Variants in VPS13C observed in about 807,000 individuals in gnomAD.
The protein encoded by VPS13C is vacuolar protein sorting 13 homolog C, also known as intermembrane lipid transfer protein VPS13C.
In VPS13C, 358 loss-of-function variants were observed where a neutral mutation model predicts 456.8. The observed-to-expected ratio is 0.78, with a 90% CI of 0.72 to 0.86. The LOEUF (loss-of-function observed/expected upper bound fraction) is 0.86. VPS13C is among the 40% of genes least tolerant of loss of function. VPS13C has a pLI of 0.00. For synonymous variants in VPS13C, 1,578 were observed against 1,486.7 expected, an observed-to-expected ratio of 1.06 and a Z score of -1.41; for missense variants, 4,818 against 4,385.4, an observed-to-expected ratio of 1.10 and a Z score of -2.79.
Position 61,856,281 on chromosome 15 carries a change from C to T in VPS13C, c.11076+5G>A, listed in dbSNP as rs768380206. The T allele has an allele frequency of 1.9e-6, 3 of 1,612,706 alleles. No homozygotes were observed. The highest frequency in any genetic ancestry group is 2.5e-6 in the Non-Finnish European group (3 of 1,179,242). On this transcript the variant is annotated splice_donor_5th_base_variant and intron_variant, in intron 83 of 84. Transcript: ENST00000644861. ...TAGCTCTAAAGGTGTGACATGTTTT[C>T]TTACCTTAACTGAAATTTTTAGCAC...
intron 38 of VPS13C, among the ~76,000 whole-genome samples, chr15:61,953,451 C>T (rs540653971): frequency 1.1e-3 from 149 of 141,372 alleles, no homozygotes; most frequent in African/African-American, 3.7e-3. Flanking sequence ...CATGTGTCCT[C>T]ATTGTTCAAT....
chr15:61,922,065 T>TCC lies in VPS13C; in HGVS notation c.6976-34_6976-33dup, dbSNP rs2043675872. 3.1e-6 allele frequency: 5 copies of TCC among 1,598,228 alleles called. No homozygotes were observed. The Admixed American group carries it at 8.5e-5, about 27-fold the overall frequency. ...AGATACACACAAAATTATAAGACAG[T>TCC]CCTTTGGCTTTAATTACATATTTCT... On this transcript the variant is annotated intron_variant, in intron 54 of 84. Transcript: ENST00000644861.
At chr15:61,947,592 T>G (rs1407990272) in intron 42 of VPS13C, among the ~76,000 whole-genome samples, 1 of 151,718 alleles carries the variant, frequency 6.6e-6, no homozygotes, top group African/African-American at 2.4e-5. Context: ...CAACTTTTTT[T>G]CTGGGAAAAA....
intron 66 of VPS13C, among the ~76,000 whole-genome samples, chr15:61,904,374 A>T (rs1256591829): frequency 6.6e-6 from 1 of 151,948 alleles, no homozygotes; most frequent in Non-Finnish European, 1.5e-5. Flanking sequence ...GAAGACATAC[A>T]ATGGCAAACA....
rs186558416 is a variant in VPS13C at position 62,045,350 on chromosome 15, G to T, written c.101-1095C>A. Among the ~76,000 whole-genome samples the T allele has an allele frequency of 2.6e-5, 4 of 152,138 alleles. No homozygotes were observed. The East Asian group carries it at 5.8e-4, about 22-fold the overall frequency. On this transcript the variant is annotated intron_variant, in intron 1 of 84. Coordinates refer to ENST00000644861, the MANE Select transcript of VPS13C (RefSeq NM_020821.3). ...CTAAAATTTTAGAAATATTCCAATA[G>T]AAGCGTACACAAGATGAAAAGGAGG...
At chr15:61,935,548 G>A (rs923905210) in intron 48 of VPS13C, 3 of 152,186 alleles carry the variant, frequency 2.0e-5, no homozygotes, top group Non-Finnish European at 4.4e-5. Flanking sequence ...GCTGAACACA[G>A]TGAGATCATT....
chr15:62,005,790 G>A (rs2046815191), intron 15 of VPS13C, among the ~76,000 whole-genome samples: 1 of 151,714 alleles, frequency 6.6e-6, no homozygotes, highest in African/African-American at 2.4e-5. Flanking sequence ...GCAACCTCCA[G>A]CTCCCAGGTT....
chr15:61,865,652 A>G, intron 81 of VPS13C: 1 of 388,704 alleles, frequency 2.6e-6, no homozygotes, highest in Non-Finnish European at 3.5e-6. Context: ...ATGTGTGTAT[A>G]TATATGTATG....
intron 47 of VPS13C, among the ~76,000 whole-genome samples, chr15:61,938,272 G>T (rs74973673): frequency 1.3e-4 from 20 of 148,462 alleles, no homozygotes; most frequent in South Asian, 1.1e-3. Context: ...GCTGTGGGGT[G>T]GGGGGGGAAC....
At chr15:62,003,609 G>C (rs2046717947) in intron 15 of VPS13C, among the ~76,000 whole-genome samples, 2 of 151,854 alleles carry the variant, frequency 1.3e-5, no homozygotes, top group Non-Finnish European at 2.9e-5. Flanking sequence ...GTTTTCAAAG[G>C]GAATGCTTCC....
intron 22 of VPS13C, among the ~76,000 whole-genome samples, chr15:61,978,993 T>G (rs1346610996): frequency 1.3e-5 from 2 of 152,234 alleles, no homozygotes; most frequent in East Asian, 3.8e-4. Context: ...TTGAGCTGTC[T>G]GCCTCGAATA....
chr15:61,908,434 A>C (rs1428500930), intron 65 of VPS13C, among the ~76,000 whole-genome samples: 1 of 152,010 alleles, frequency 6.6e-6, no homozygotes, highest in Non-Finnish European at 1.5e-5. Context: ...CCATTAAATA[A>C]TGACATCATC....
intron 18 of VPS13C, 106 bp downstream of exon 18, chr15:61,990,894 G>A (rs150589190): frequency 4.2e-6 from 3 of 714,888 alleles, no homozygotes; most frequent in East Asian, 2.9e-5. Flanking sequence ...GTAGCAGAGT[G>A]GAATTAATAA....
Position 61,950,986 on chromosome 15 carries a change from T to G in VPS13C, c.4495A>C (p.Asn1499His). Residue 1499 changes from asparagine to histidine, a missense_variant, in exon 40 of 85, where the codon AAT (asparagine) becomes CAT (histidine). Around this residue, in one of 3 missense-constraint regions of VPS13C, gnomAD observed 4,552 missense variants for 4,130.6 expected, o/e 1.10. Coordinates refer to ENST00000644861, the MANE Select transcript of VPS13C (RefSeq NM_020821.3). Reference sequence around the variant, plus strand: ...TTCAGAAGGGGTTCGTCAGTCACATTAGAAGAGTTAATAATGTGAAGAGGT... The same window carrying G: ...TTCAGAAGGGGTTCGTCAGTCACATGAGAAGAGTTAATAATGTGAAGAGGT... ...GEPLHIINSS[N>H]VTDEPLLKML... is the part of the protein sequence containing the mutation. 1 of 1,605,290 alleles carries G rather than the reference T, an allele frequency of 6.2e-7. No homozygotes were observed. Among genetic ancestry groups the G allele is most frequent in the Non-Finnish European group, 8.5e-7 (1 of 1,176,284 alleles).
chr15:61,895,302 T>C (rs2042774076), intron 66 of VPS13C, among the ~76,000 whole-genome samples: 1 of 151,176 alleles, frequency 6.6e-6, no homozygotes, highest in African/African-American at 2.4e-5. Context: ...ACCTTAAGAA[T>C]CTAGAAAAGC....
intron 66 of VPS13C, among the ~76,000 whole-genome samples, chr15:61,892,372 C>T (rs1264144566): frequency 6.6e-6 from 1 of 152,154 alleles, no homozygotes; most frequent in African/African-American, 2.4e-5. Context: ...ACCCCTTCCC[C>T]ACCACTGGAG....
chr15:61,861,461 T>C (rs759673353), intron 82 of VPS13C, among the ~76,000 whole-genome samples: 45 of 152,220 alleles, frequency 3.0e-4, no homozygotes, highest in Admixed American at 7.2e-4. Flanking sequence ...CCTTAAAGTC[T>C]AAATTTTACT....
intron 66 of VPS13C, 107 bp from the exon 67 acceptor site, chr15:61,890,507 A>G: frequency 1.1e-6 from 1 of 906,802 alleles, no homozygotes; most frequent in Admixed American, 2.8e-5. Context: ...GCACTACTAT[A>G]AATTGAAAAA....
chr15:62,016,214 T>A (rs765582600), intron 9 of VPS13C, among the ~76,000 whole-genome samples: 1 of 151,298 alleles, frequency 6.6e-6, no homozygotes, highest in Non-Finnish European at 1.5e-5. Flanking sequence ...TAAGTAGTCA[T>A]AAGGCAAACT....
Sources: gnomAD v4.1 joint callset for allele counts (sites outside exome capture counted in the v4.1 genomes callset) on GRCh38, gnomAD v4.1.1 for gene constraint, gnomAD v4.1.1 regional missense constraint, MANE v1.5 for transcripts, NCBI Gene and HGNC (gene_info 2026-07-23, HGNC 2026-07-21) for gene names.